Variants in TTC12 observed in about 807,000 individuals in gnomAD.
TTC12 encodes tetratricopeptide repeat domain 12.
A neutral mutation model predicts 90.1 loss-of-function variants in TTC12; 70 were observed. That is an observed-to-expected ratio of 0.78 (90% CI 0.64 to 0.95). The LOEUF (loss-of-function observed/expected upper bound fraction) is 0.95, where lower values mean the gene tolerates loss of function less well. Among genes scored for constraint, TTC12 ranks in the 40% least tolerant of loss-of-function variants. TTC12 has a pLI of 0.00. For missense variants in TTC12, 819 were observed against 846.1 expected (o/e 0.97, Z 0.40); for synonymous variants, 296 against 311.5 (o/e 0.95, Z 0.53).
chr11:113,341,554 A>G (rs1948686374), intron 11 of TTC12: 2 of 455,566 alleles, frequency 4.4e-6, no homozygotes, highest in Non-Finnish European at 8.1e-6. Flanking sequence ...TCACCAGTAC[A>G]TGTCTGTGTG....
intron 18 of TTC12, 43 bp downstream of exon 18, chr11:113,360,051 CTTG>C: frequency 2.8e-6 from 3 of 1,054,236 alleles, no homozygotes; most frequent in Non-Finnish European, 4.3e-6. Context: ...TTCCATTGTT[CTTG>C]TTTTGTTTTG....
chr11:113,347,362 T>C (rs896020039), intron 13 of TTC12, among the ~76,000 whole-genome samples: 1 of 152,168 alleles, frequency 6.6e-6, no homozygotes, highest in African/African-American at 2.4e-5. Context: ...ATACAGCCTG[T>C]GCATGGTGCC....
At chr11:113,323,033 A>T (rs1474642055) in intron 2 of TTC12, among the ~76,000 whole-genome samples, 1 of 151,320 alleles carries the variant, frequency 6.6e-6, no homozygotes, top group African/African-American at 2.4e-5. Context: ...ATTATTGTTG[A>T]ATTGAATAAT....
chr11:113,322,980 A>G (rs782466122), intron 2 of TTC12, among the ~76,000 whole-genome samples: 1 of 152,050 alleles, frequency 6.6e-6, no homozygotes, highest in South Asian at 2.1e-4. Flanking sequence ...ATTGTTATCT[A>G]TAGCATCAGC....
intron 16 of TTC12, among the ~76,000 whole-genome samples, chr11:113,356,644 T>C (rs1949651106): frequency 6.6e-6 from 1 of 151,568 alleles, no homozygotes; most frequent in South Asian, 2.1e-4. Context: ...CTGGTGATAA[T>C]GAATTTCCTC....
At chr11:113,344,767 A>G (rs113671230) in intron 13 of TTC12, among the ~76,000 whole-genome samples, 2 of 152,156 alleles carry the variant, frequency 1.3e-5, no homozygotes, top group African/African-American at 4.8e-5. Flanking sequence ...TCCTATCTCT[A>G]CCCTGTTCCT....
At chr11:113,319,923 G>A (rs1392289320) in intron 2 of TTC12, among the ~76,000 whole-genome samples, 5 of 151,880 alleles carry the variant, frequency 3.3e-5, no homozygotes, top group Non-Finnish European at 7.4e-5. Context: ...ACCTTAGTAA[G>A]AAAAAAACTT....
intron 2 of TTC12, among the ~76,000 whole-genome samples, chr11:113,317,196 A>T (rs1946994115): frequency 1.3e-5 from 2 of 152,134 alleles, no homozygotes; most frequent in South Asian, 2.1e-4. Flanking sequence ...CTACATGGAC[A>T]CTTAGCCTTC....
At chr11:113,317,533 T>C (rs1947018983) in intron 2 of TTC12, among the ~76,000 whole-genome samples, 1 of 152,178 alleles carries the variant, frequency 6.6e-6, no homozygotes, top group South Asian at 2.1e-4. Context: ...CCTGATTGTT[T>C]TTCCTGTCTC....
Position 113,327,097 on chromosome 11 carries a change from A to T in TTC12, c.444+1452A>T, listed in dbSNP as rs546100095. 2.6e-5 allele frequency among the ~76,000 whole-genome samples: 4 copies of T among 152,350 alleles called. No homozygotes were observed. The South Asian group carries it at 8.3e-4, about 32-fold the overall frequency. On this transcript the variant is annotated intron_variant, in intron 6 of 21. Coordinates refer to ENST00000529221, the MANE Select transcript of TTC12 (RefSeq NM_017868.4). ...GAAAGCAACAAAATTGAATTGCTTT[A>T]AAAAAGTTATATAATTTCAGACATA...
chr11:113,318,612 G>GA (rs1241317025), intron 2 of TTC12, among the ~76,000 whole-genome samples: 1 of 152,098 alleles, frequency 6.6e-6, no homozygotes, highest in Non-Finnish European at 1.5e-5. Flanking sequence ...GAATTTTTGG[G>GA]GGGGATGCAA....
intron 2 of TTC12, among the ~76,000 whole-genome samples, chr11:113,322,977 T>C (rs1280300729): frequency 6.6e-6 from 1 of 152,152 alleles, no homozygotes; most frequent in East Asian, 1.9e-4. Context: ...ATCATTGTTA[T>C]CTATAGCATC....
At chr11:113,372,239 TCAA>T (rs1287808114) in intron 21 of TTC12, among the ~76,000 whole-genome samples, 1 of 152,202 alleles carries the variant, frequency 6.6e-6, no homozygotes, top group African/African-American at 2.4e-5. Context: ...CACTGTATCA[TCAA>T]CATCAGGGGA....
At chr11:113,329,499 A>G (rs1295936591) in intron 6 of TTC12, 3 of 433,586 alleles carry the variant, frequency 6.9e-6, no homozygotes, top group South Asian at 1.7e-5. Flanking sequence ...ATGAGAAGGA[A>G]GGAGGAAAAG....
At chr11:113,330,426 C>T (rs543145275) in intron 7 of TTC12, among the ~76,000 whole-genome samples, 1 of 152,250 alleles carries the variant, frequency 6.6e-6, no homozygotes, top group African/African-American at 2.4e-5. Flanking sequence ...GAAAGAATTC[C>T]TATTTTTCAA....
chr11:113,338,660 G>C (rs1044005743), intron 8 of TTC12, 114 bp from the exon 9 acceptor site: 1 of 733,902 alleles, frequency 1.4e-6, no homozygotes, highest in African/African-American at 1.8e-5. Context: ...TGCACTGGGA[G>C]CAGGAGGAGG....
chr11:113,339,231 T>G, intron 9 of TTC12, 55 bp from the exon 10 acceptor site: 1 of 1,438,718 alleles, frequency 7.0e-7, no homozygotes, highest in Non-Finnish European at 9.4e-7. Flanking sequence ...TTGCTTCTTG[T>G]GTGGTATTGT....
At position 113,338,940 on chromosome 11, in the gene TTC12, C is replaced by T. The variant is rs565698823; in HGVS notation, c.637+106C>T. The T allele has an allele frequency of 3.2e-5, 32 of 989,238 alleles. No individual in the cohort carries two copies. The East Asian group carries it at 5.3e-4, about 16-fold the overall frequency. The allele number at this position is 989,238 out of a possible 1,614,324, so 61.3% of individuals were successfully genotyped here. On this transcript the variant is annotated intron_variant, in intron 9 of 21. Coordinates refer to ENST00000529221, the MANE Select transcript of TTC12 (RefSeq NM_017868.4). ...ACTGCCCTTGGCCACTAGGCAGCGG[C>T]GGATCCTCTTTCCTGCACAGTTGGG...
chr11:113,353,555 G>A (rs1340135490), intron 16 of TTC12, among the ~76,000 whole-genome samples: 1 of 152,078 alleles, frequency 6.6e-6, no homozygotes, highest in Admixed American at 6.6e-5. Context: ...TGTGTAGAAT[G>A]GTATTGCCTA....
Sources: allele counts gnomAD v4.1 joint callset (sites outside exome capture counted in the v4.1 genomes callset), GRCh38; gene constraint gnomAD v4.1.1; transcripts MANE v1.5; gene names NCBI Gene and HGNC (gene_info 2026-07-23, HGNC 2026-07-21).